DLG5: variants seen among roughly 807,000 people sequenced by gnomAD.
DLG5 encodes the protein disks large homolog 5.
DLG5 carries 48 observed loss-of-function variants against 189.8 expected under a neutral mutation model. The ratio of observed to expected loss-of-function variants is 0.25; its 90% CI spans 0.20 to 0.32. The LOEUF (loss-of-function observed/expected upper bound fraction) is 0.32. DLG5 is among the 10% of genes least tolerant of loss of function. DLG5 has a pLI of 1.00. For missense variants in DLG5, 2,160 were observed against 2,544.7 expected (o/e 0.85, Z 3.25); for synonymous variants, 1,016 against 1,054.1 (o/e 0.96, Z 0.70).
intron 3 of DLG5, 79 bp downstream of exon 3, chr10:77,856,651 G>A: frequency 1.9e-6 from 3 of 1,554,624 alleles, no homozygotes; most frequent in East Asian, 2.3e-5. Flanking sequence ...AGCCAGGGGT[G>A]TTTGGGGGTG....
At chr10:77,805,971 C>T (rs181618464) in intron 26 of DLG5, 110 bp from the exon 27 acceptor site, 10 of 1,086,136 alleles carry the variant, frequency 9.2e-6, no homozygotes, top group East Asian at 2.4e-5. Context: ...GGGCTCCCCC[C>T]ACACTCCTTG....
At chr10:77,931,354 T>C (rs945443338), upstream of DLG5, among the ~76,000 whole-genome samples, 1 of 151,916 alleles carries the variant, frequency 6.6e-6, no homozygotes, top group African/African-American at 2.4e-5. Flanking sequence ...CCTCAAGTGA[T>C]CCTCCCACCT....
At chr10:77,908,410 A>G (rs946689871) in intron 1 of DLG5, among the ~76,000 whole-genome samples, 1 of 151,928 alleles carries the variant, frequency 6.6e-6, no homozygotes, top group African/African-American at 2.4e-5. Flanking sequence ...CTCCCACCCA[A>G]TGCCAACCCA....
At chr10:77,820,184 A>C (rs1842270836) in intron 15 of DLG5, 166 bp from the exon 16 acceptor site, 1 of 866,774 alleles carries the variant, frequency 1.2e-6, no homozygotes, top group Admixed American at 3.2e-5. Context: ...CGTCTCTACC[A>C]AAAATACAAA....
chr10:77,794,848 C>G lies in DLG5; in HGVS notation c.5546+1G>C. 6.2e-7 allele frequency: 1 copy of G among 1,613,782 alleles called. No individual in the cohort carries two copies. On this transcript the variant is annotated splice_donor_variant, in intron 30 of 31. Coordinates refer to ENST00000372391, the MANE Select transcript of DLG5 (RefSeq NM_004747.4). LOFTEE classifies it high-confidence loss of function. The stretch of plus-strand genomic sequence containing the variant: ...CGGAGCCCAGGGGGCCAGTTACCTA[C>G]TTGATGTGCTTGGCGCTCTTGTAGT...
chr10:77,937,785 C>T, the DLG5 span, among the ~76,000 whole-genome samples: 5 of 139,208 alleles, frequency 3.6e-5, no homozygotes, highest in African/African-American at 1.3e-4. Context: ...ATGGCATGAT[C>T]TTGGCTCACT....
chr10:77,874,501 G>A (rs558744163), intron 1 of DLG5, among the ~76,000 whole-genome samples: 6 of 152,302 alleles, frequency 3.9e-5, no homozygotes, highest in African/African-American at 1.4e-4. Context: ...CTCATGTGAT[G>A]GGCCAGTCAA....
At chr10:77,858,860 G>A (rs1304407781) in intron 2 of DLG5, among the ~76,000 whole-genome samples, 1 of 152,150 alleles carries the variant, frequency 6.6e-6, no homozygotes, top group African/African-American at 2.4e-5. Context: ...CAATGTGTTT[G>A]TGTGTATTCT....
chr10:77,858,321 T>G (rs771283529), intron 2 of DLG5, among the ~76,000 whole-genome samples: 2 of 151,748 alleles, frequency 1.3e-5, no homozygotes, highest in Non-Finnish European at 2.9e-5. Context: ...AAAAAAAGAT[T>G]AAATCACATC....
At chr10:77,818,282 GCCT>G (rs1436737488) in intron 17 of DLG5, among the ~76,000 whole-genome samples, 1 of 152,198 alleles carries the variant, frequency 6.6e-6, no homozygotes, top group Non-Finnish European at 1.5e-5. Flanking sequence ...GGACCTATGT[GCCT>G]CACTCGGGAC....
At chr10:77,825,602 C>T (rs534880433) in intron 13 of DLG5, among the ~76,000 whole-genome samples, 26 of 151,816 alleles carry the variant, frequency 1.7e-4, no homozygotes, top group Middle Eastern at 3.4e-3. Flanking sequence ...GTCCCTCAGG[C>T]TGAAGTGCAG....
intron 18 of DLG5, among the ~76,000 whole-genome samples, chr10:77,817,383 C>T (rs1054752784): frequency 2.6e-5 from 4 of 152,190 alleles, no homozygotes; most frequent in African/African-American, 2.4e-5. Context: ...TTCTCCCCAG[C>T]GCCAGAGTTC....
chr10:77,927,565 T>C (rs1395336660), upstream of DLG5: 8 of 152,166 alleles, frequency 5.3e-5, no homozygotes, highest in Non-Finnish European at 1.2e-4. Context: ...CCCCAGAGTG[T>C]AAAGGAGTTA....
the DLG5 span, among the ~76,000 whole-genome samples, chr10:77,939,786 G>T: frequency 6.6e-6 from 1 of 152,228 alleles, no homozygotes; most frequent in Non-Finnish European, 1.5e-5. Context: ...TGGAGGAAAA[G>T]CTCCTCCATG....
At chr10:77,930,377 G>A (rs57062787), upstream of DLG5, among the ~76,000 whole-genome samples, 896 of 151,674 alleles carry the variant, frequency 5.9e-3, 7 homozygotes, top group African/African-American at 0.02. Context: ...AGACAGAGTC[G>A]CACTCTGTCA....
intron 5 of DLG5, among the ~76,000 whole-genome samples, chr10:77,852,053 G>T (rs1230361596): frequency 1.1e-4 from 16 of 152,156 alleles, no homozygotes; most frequent in Non-Finnish European, 1.0e-4. Flanking sequence ...TACACATGGG[G>T]GATTGACCAA....
At chr10:77,910,951 T>G (rs1846200992) in intron 1 of DLG5, among the ~76,000 whole-genome samples, 1 of 133,588 alleles carries the variant, frequency 7.5e-6, no homozygotes. Flanking sequence ...TAGTCTGGAG[T>G]GCAGCCTGTG....
intron 22 of DLG5, 96 bp from the exon 23 acceptor site, chr10:77,811,330 C>T: frequency 6.8e-7 from 1 of 1,477,306 alleles, no homozygotes; most frequent in Non-Finnish European, 9.1e-7. Flanking sequence ...TAAATGGGGA[C>T]CAGGTCACAT....
At chr10:77,923,711 T>C (rs780774628) in intron 1 of DLG5, among the ~76,000 whole-genome samples, 4 of 152,126 alleles carry the variant, frequency 2.6e-5, no homozygotes, top group Non-Finnish European at 4.4e-5. Flanking sequence ...TGAGCCGAGA[T>C]TGTGCCACTG....
Sources: gnomAD v4.1 joint callset for allele counts (sites outside exome capture counted in the v4.1 genomes callset) on GRCh38, gnomAD v4.1.1 for gene constraint, MANE v1.5 for transcripts, NCBI Gene and HGNC (gene_info 2026-07-23, HGNC 2026-07-21) for gene names.